Variants in BCORL1 observed in about 807,000 individuals in gnomAD.
The protein encoded by BCORL1 is BCL-6 corepressor-like protein 1.
Under a neutral mutation model 87.6 loss-of-function variants are expected in BCORL1, and 7 were observed. The ratio of observed to expected loss-of-function variants is 0.08; its 90% CI spans 0.05 to 0.15. BCORL1 has a LOEUF of 0.15. BCORL1 is among the 10% of genes least tolerant of loss of function. BCORL1 has a pLI of 1.00. For missense variants in BCORL1, 1,215 were observed against 1,499.7 expected, an observed-to-expected ratio of 0.81 and a Z score of 3.13; for synonymous variants, 591 against 634.4, an observed-to-expected ratio of 0.93 and a Z score of 1.03.
At position 130,015,049 on chromosome X, in the gene BCORL1, T is replaced by G; in HGVS notation, c.2277T>G (p.Pro759=). ...TCTCCATCATTGATCAAGGAGAGCC[T>G]AAGGGCACTGGTGCCACGTGTGGCA... ...EPISIIDQGE[P]KGTGATCGKK... Residue 759 remains proline, a synonymous_variant, in exon 4 of 14, where the codon CCT becomes CCG. Coordinates refer to ENST00000540052, the MANE Select transcript of BCORL1 (RefSeq NM_001379451.1). 1 of 1,211,864 alleles carries G rather than the reference T, an allele frequency of 8.3e-7. No homozygotes were observed. Among genetic ancestry groups the G allele is most frequent in the Non-Finnish European group, 1.1e-6 (1 of 895,494 alleles).
chrX:130,002,573 A>AG (rs1928139236), intron 1 of BCORL1, among the ~76,000 whole-genome samples: 2 of 63,594 alleles, frequency 3.1e-5, no homozygotes, highest in South Asian at 1.1e-3. Context: ...AAGGGGAAGG[A>AG]GGGGGAGAGG....
rs749085293 is a variant in BCORL1, at chrX:129,995,054, AGACTGCAGTGGCAT to A, written c.-44-10131_-44-10118del. 2.0e-3 allele frequency among the ~76,000 whole-genome samples: 216 copies of A among 110,351 alleles called. 1 individual carries two copies. Among genetic ancestry groups the A allele is most frequent in the Non-Finnish European group, 2.9e-3 (153 of 52,712 alleles). On this transcript the variant is annotated intron_variant, in intron 1 of 13. Coordinates refer to ENST00000540052, the MANE Select transcript of BCORL1 (RefSeq NM_001379451.1). The stretch of plus-strand genomic sequence containing the variant: ...AGAGTCTCGCTCTGTTGCTCAGGCT[AGACTGCAGTGGCAT>A]GATCTTGGCTCACTGCAACTTCTGC...
intron 8 of BCORL1, 128 bp downstream of exon 8, chrX:130,028,989 C>G: frequency 3.6e-6 from 2 of 551,513 alleles, no homozygotes; most frequent in Non-Finnish European, 2.9e-6. Context: ...AACTAGTTCT[C>G]GAAGGGTTGG....
chrX:130,027,354 C>A (rs781503898), intron 7 of BCORL1, among the ~76,000 whole-genome samples: 1 of 112,828 alleles, frequency 8.9e-6, no homozygotes, highest in Admixed American at 9.3e-5. Context: ...GGCTATGGGG[C>A]CCCACTAGCG....
chrX:130,040,521 T>C (rs1223730344), intron 11 of BCORL1, among the ~76,000 whole-genome samples: 2 of 112,356 alleles, frequency 1.8e-5, no homozygotes, highest in African/African-American at 6.5e-5. Context: ...GCACAGGCCT[T>C]AGGCCTGTAC....
chrX:130,016,203 A>G lies in BCORL1; in HGVS notation c.3431A>G (p.His1144Arg), dbSNP rs1569371526. The G allele has an allele frequency of 8.3e-7, 1 of 1,200,315 alleles. No homozygotes were observed. ...GCCAAGGCCGTGGTCCGGAGTTCCC[A>G]CAGACCCAAGGTGAGTGCTGAGCTA... ...PQAKAVVRSS[H>R]RPKCRKLPSD... The change falls in exon 4 of 14, where the codon CAC (histidine) becomes CGC (arginine). Residue 1144 changes from histidine to arginine, a missense_variant. By Grantham distance (29) the His-to-Arg change is conservative (BLOSUM62 0). This residue lies in a region of BCORL1 where 861 missense variants were observed against 1,010.0 expected (regional missense o/e 0.85). Coordinates refer to ENST00000540052, the MANE Select transcript of BCORL1 (RefSeq NM_001379451.1).
intron 2 of BCORL1, among the ~76,000 whole-genome samples, chrX:130,008,882 T>C (rs1374782249): frequency 1.1e-4 from 12 of 112,070 alleles, no homozygotes; most frequent in Admixed American, 1.0e-3. Flanking sequence ...TAGGCAAACC[T>C]ACAGCTAAAT....
intron 1 of BCORL1, among the ~76,000 whole-genome samples, chrX:129,998,587 TC>T (rs777223822): frequency 3.2e-4 from 36 of 112,131 alleles, no homozygotes; most frequent in African/African-American, 1.1e-3. Context: ...GACCTAGGAA[TC>T]TGTATTTTGA....
At chrX:130,036,776 C>G (rs1200956455) in intron 9 of BCORL1, among the ~76,000 whole-genome samples, 1 of 112,207 alleles carries the variant, frequency 8.9e-6, no homozygotes, top group Non-Finnish European at 1.9e-5. Flanking sequence ...TGCTTGAGCT[C>G]TGGGCGGGCA....
chrX:130,032,731 TTCTATTTA>T (rs772077851), intron 8 of BCORL1, among the ~76,000 whole-genome samples: 2,324 of 100,935 alleles, frequency 0.023, 58 homozygotes, highest in African/African-American at 0.075. Flanking sequence ...CGAGAATCTC[TTCTATTTA>T]TTTATTTATT....
At chrX:130,016,267 G>A (rs1472840419) in intron 4 of BCORL1, 54 bp downstream of exon 4, 7 of 1,131,537 alleles carry the variant, frequency 6.2e-6, no homozygotes, top group Admixed American at 5.5e-5. Context: ...GGTCTACTTC[G>A]TGCCATGGAT....
chrX:130,016,858 C>T, intron 4 of BCORL1, among the ~76,000 whole-genome samples: 1 of 111,587 alleles, frequency 9.0e-6, no homozygotes, highest in Non-Finnish European at 1.9e-5. Flanking sequence ...TGGCAGAGTT[C>T]TAGGCAAAAA....
At position 130,014,846 on chromosome X, in the gene BCORL1, G is replaced by A. The variant is rs1280980553; in HGVS notation, c.2074G>A (p.Glu692Lys). The A allele has an allele frequency of 3.3e-6, 4 of 1,211,353 alleles. No homozygotes were observed. The highest frequency in any genetic ancestry group is 4.5e-6 in the Non-Finnish European group (4 of 895,442). ...STSSPFVIFPEIVRNGDPSTW... is the reference protein window; with the variant it reads ...STSSPFVIFPKIVRNGDPSTW... Reference sequence around the variant, plus strand: ...TTCCTCGCCCTTTGTCATCTTTCCCGAGATCGTGAGGAATGGGGACCCGAG... The same window carrying A: ...TTCCTCGCCCTTTGTCATCTTTCCCAAGATCGTGAGGAATGGGGACCCGAG... The change falls in exon 4 of 14, where the codon GAG (glutamate) becomes AAG (lysine). Residue 692 changes from glutamate to lysine, a missense_variant. Around this residue, in one of 5 missense-constraint regions of BCORL1, gnomAD observed 861 missense variants for 1,010.0 expected, o/e 0.85. Transcript: ENST00000540052.
chrX:130,039,258 G>A lies in BCORL1; in HGVS notation c.4816G>A (p.Asp1606Asn), dbSNP rs368497729. 9 of 1,208,684 alleles carry A rather than the reference G, an allele frequency of 7.4e-6. No individual in the cohort carries two copies. In the African/African-American group the frequency reaches 1.2e-4, roughly 16 times the overall value. ...GACAGCCATGAAGCTGGCCAGCAGCGACACCATGAAGCGCTTTCTCAGTGG... is the reference window on the plus strand; with the variant it reads ...GACAGCCATGAAGCTGGCCAGCAGCAACACCATGAAGCGCTTTCTCAGTGG... ...GQTAMKLASS[D>N]TMKRFLSDHL... Residue 1606 changes from aspartate to asparagine, a missense_variant, in exon 11 of 14, where the codon GAC becomes AAC. Physicochemically the swap from Asp to Asn is conservative, Grantham distance 23. Around this residue, in one of 5 missense-constraint regions of BCORL1, gnomAD observed 129 missense variants for 157.5 expected, o/e 0.82. Transcript: ENST00000540052.
chrX:130,015,412 C>G lies in BCORL1; in HGVS notation c.2640C>G (p.Ala880=), dbSNP rs777784650. 2 of 1,212,295 alleles carry G rather than the reference C, an allele frequency of 1.6e-6. No individual in the cohort carries two copies. The highest frequency in any genetic ancestry group is 3.5e-5 in the South Asian group (2 of 57,046). Residue 880 remains alanine (A), a synonymous_variant, in exon 4 of 14, where the codon GCC becomes GCG. Transcript: ENST00000540052. ...SGVPSLSSSE[A]VHGLPEGQPR... is the part of the protein sequence containing the mutation. ...TGCCATCTCTCAGCTCCAGCGAAGC[C>G]GTGCACGGACTTCCTGAGGGGCAAC...
chrX:130,048,407 A>G (rs1015385675), intron 11 of BCORL1, among the ~76,000 whole-genome samples: 1 of 111,832 alleles, frequency 8.9e-6, no homozygotes, highest in African/African-American at 3.2e-5. Context: ...ATCATACACA[A>G]CTAAGTCAGC....
chrX:130,004,705 C>T lies in BCORL1; in HGVS notation c.-44-483C>T, dbSNP rs139688397. Among the ~76,000 whole-genome samples, 115 of 111,482 alleles carry T rather than the reference C, an allele frequency of 1.0e-3. No individual in the cohort carries two copies. The Middle Eastern group carries it at 0.023, about 22-fold the overall frequency. ...CAATGGAGTATTTTTGAAGGACTTA[C>T]GAAAAAAAGCATGTGCTTCCTCTGA... is the stretch of plus-strand genomic sequence containing the variant. On this transcript the variant is annotated intron_variant, in intron 1 of 13. Coordinates refer to ENST00000540052, the MANE Select transcript of BCORL1 (RefSeq NM_001379451.1).
chrX:129,997,891 C>A (rs1927688996), intron 1 of BCORL1, among the ~76,000 whole-genome samples: 1 of 106,859 alleles, frequency 9.4e-6, no homozygotes, highest in Admixed American at 1.0e-4. Flanking sequence ...TCTCTGGCTA[C>A]CTACTCTTGG....
intron 13 of BCORL1, among the ~76,000 whole-genome samples, chrX:130,054,559 C>G (rs1349826284): frequency 9.1e-6 from 1 of 110,019 alleles, no homozygotes; most frequent in Non-Finnish European, 1.9e-5. Flanking sequence ...GAGAGAGAGA[C>G]AGAGAAAGAG....
Sources: gnomAD v4.1 joint callset for allele counts (sites outside exome capture counted in the v4.1 genomes callset) on GRCh38, gnomAD v4.1.1 for gene constraint, gnomAD v4.1.1 regional missense constraint, MANE v1.5 for transcripts, NCBI Gene and HGNC (gene_info 2026-07-23, HGNC 2026-07-21) for gene names.